Variants in ASB7 observed in about 807,000 individuals in gnomAD.
ASB7 encodes ankyrin repeat and SOCS box protein 7.
ASB7 carries 4 observed loss-of-function variants against 32.5 expected under a neutral mutation model. The ratio of observed to expected loss-of-function variants is 0.12; its 90% CI spans 0.06 to 0.28. ASB7 has a LOEUF of 0.28. Among genes scored for constraint, ASB7 ranks in the 10% least tolerant of loss-of-function variants. The pLI is 1.00. For synonymous variants in ASB7, 172 were observed against 155.6 expected (o/e 1.11, Z -0.78); for missense variants, 181 against 407.1 (o/e 0.44, Z 4.78).
At chr15:100,612,511 A>G in intron 4 of ASB7, 84 bp downstream of exon 4, 1 of 1,261,804 alleles carries the variant, frequency 7.9e-7, no homozygotes, top group Non-Finnish European at 1.2e-6. Flanking sequence ...TGTAATTTTT[A>G]ATGCTTCTCT....
At chr15:100,638,019 A>G (rs770223054) in intron 5 of ASB7, among the ~76,000 whole-genome samples, 2 of 151,396 alleles carry the variant, frequency 1.3e-5, no homozygotes, top group Non-Finnish European at 2.9e-5. Context: ...TTTTAAGTGA[A>G]TTGGATAGTT....
chr15:100,628,550 C>T (rs535778864), intron 4 of ASB7, among the ~76,000 whole-genome samples: 73 of 152,180 alleles, frequency 4.8e-4, no homozygotes, highest in Admixed American at 4.6e-3. Flanking sequence ...AGGAGGTGCC[C>T]GGCATAACCA....
chr15:100,648,532 A>G lies in ASB7; in HGVS notation c.*70A>G. On this transcript the variant is annotated 3_prime_UTR_variant, in exon 6 of 6. Transcript: ENST00000332783. ...TTAAAAGGCTTTTTGCCTTGCACAA[A>G]GTATATCCTATGCAATTTCTGATTT... is the stretch of plus-strand genomic sequence containing the variant. 7.8e-7 allele frequency: 1 copy of G among 1,290,174 alleles called. No homozygotes were observed. Among genetic ancestry groups the G allele is most frequent in the Non-Finnish European group, 1.1e-6 (1 of 943,842 alleles). 79.9% of individuals were successfully genotyped at this position (1,290,174 alleles called of 1,614,324 possible).
chr15:100,629,941 A>G lies in ASB7; in HGVS notation c.716A>G (p.Asp239Gly). The G allele has an allele frequency of 4.3e-6, 7 of 1,614,238 alleles. No individual in the cohort carries two copies. Among genetic ancestry groups the G allele is most frequent in the South Asian group, 3.3e-5 (3 of 91,086 alleles). Residue 239 changes from aspartate to glycine, a missense_variant, in exon 5 of 6, where the codon GAC becomes GGC. Coordinates refer to ENST00000332783, the MANE Select transcript of ASB7 (RefSeq NM_198243.3). This position sits in a 1 kb window ranked among gnomAD's most constrained non-coding sequence, Gnocchi z 6.8. Reference sequence around the variant, plus strand: ...CGGATGTTATATAATTACGGAGCAGACACGAACACACGGAACTATGAAGGA... The same window carrying G: ...CGGATGTTATATAATTACGGAGCAGGCACGAACACACGGAACTATGAAGGA... Reference protein sequence around the residue: ...CARMLYNYGADTNTRNYEGQT... With the variant: ...CARMLYNYGAGTNTRNYEGQT...
At chr15:100,624,895 T>C (rs1048480045) in intron 4 of ASB7, among the ~76,000 whole-genome samples, 5 of 110,984 alleles carry the variant, frequency 4.5e-5, no homozygotes, top group African/African-American at 1.2e-4. Flanking sequence ...ATCCAGTCTA[T>C]TGGTGTATAA....
chr15:100,648,491 G>A lies in ASB7; in HGVS notation c.*29G>A. On this transcript the variant is annotated 3_prime_UTR_variant, in exon 6 of 6. Coordinates refer to ENST00000332783, the MANE Select transcript of ASB7 (RefSeq NM_198243.3). The stretch of plus-strand genomic sequence containing the variant: ...GCCAGAACTGTGAGCAAGATTAGGA[G>A]TTCTATTCTAGATACTTAAAAGGCT... 6.4e-7 allele frequency: 1 copy of A among 1,566,036 alleles called. No homozygotes were observed. Among genetic ancestry groups the A allele is most frequent in the African/African-American group, 1.4e-5 (1 of 72,916 alleles).
intron 2 of ASB7, 102 bp downstream of exon 2, chr15:100,603,415 C>T (rs2039587724): frequency 6.3e-6 from 1 of 159,078 alleles, no homozygotes; most frequent in African/African-American, 2.4e-5. Flanking sequence ...GCAACCTTTC[C>T]TACCCCCCCC....
rs1027532866 is a variant in ASB7 at position 100,629,950 on chromosome 15, C to T, written c.725C>T (p.Thr242Ile). ...MLYNYGADTN[T>I]RNYEGQTPLA... Reference sequence around the variant, plus strand: ...TATAATTACGGAGCAGACACGAACACACGGAACTATGAAGGACAGACCCCA... The same window carrying T: ...TATAATTACGGAGCAGACACGAACATACGGAACTATGAAGGACAGACCCCA... The change falls in exon 5 of 6, where the codon ACA (threonine) becomes ATA (isoleucine). Residue 242 changes from threonine (T) to isoleucine (I), a missense_variant. Thr to Ile is a moderately conservative substitution (Grantham distance 89). Transcript: ENST00000332783. The surrounding 1 kb of genome is among the most constrained non-coding windows in gnomAD (Gnocchi z 6.8). 1 of 1,614,162 alleles carries T rather than the reference C, an allele frequency of 6.2e-7. No homozygotes were observed. The highest frequency in any genetic ancestry group is 2.2e-5 in the East Asian group (1 of 44,884).
chr15:100,638,230 A>G (rs2039937793), intron 5 of ASB7: 1 of 152,144 alleles, frequency 6.6e-6, no homozygotes, highest in Non-Finnish European at 1.5e-5. Context: ...TCTCTAATGT[A>G]TTTCTGTTTA....
Position 100,612,188 on chromosome 15 carries a change from A to T in ASB7, c.-29A>T. On this transcript the variant is annotated 5_prime_UTR_variant, in exon 4 of 6. Transcript: ENST00000332783. Reference sequence around the variant, plus strand: ...AAGGCTGATCCCCGTAACCTAATGAATCCTTTGTAAAAAGTGGACTCAGCT... The same window carrying T: ...AAGGCTGATCCCCGTAACCTAATGATTCCTTTGTAAAAAGTGGACTCAGCT... 6.4e-7 allele frequency: 1 copy of T among 1,571,326 alleles called. No individual in the cohort carries two copies. Among genetic ancestry groups the T allele is most frequent in the Non-Finnish European group, 8.8e-7 (1 of 1,142,198 alleles).
At chr15:100,619,814 G>A (rs1303434429) in intron 4 of ASB7, among the ~76,000 whole-genome samples, 1 of 152,200 alleles carries the variant, frequency 6.6e-6, no homozygotes, top group Non-Finnish European at 1.5e-5. Context: ...GAGCGGCCAC[G>A]TGAAGCCACA....
intron 4 of ASB7, among the ~76,000 whole-genome samples, chr15:100,617,989 G>C (rs1161539784): frequency 2.0e-5 from 3 of 152,116 alleles, no homozygotes; most frequent in African/African-American, 7.2e-5. Context: ...GGGTCTCCCT[G>C]TGTCACCCAG....
intron 5 of ASB7, among the ~76,000 whole-genome samples, chr15:100,632,349 C>G (rs917536719): frequency 4.6e-5 from 7 of 152,216 alleles, no homozygotes; most frequent in African/African-American, 7.2e-5. Flanking sequence ...CCTTTGTCTT[C>G]AGGTGCCTCA....
intron 4 of ASB7, among the ~76,000 whole-genome samples, chr15:100,615,534 C>T (rs1015307871): frequency 6.6e-6 from 1 of 152,154 alleles, no homozygotes; most frequent in African/African-American, 2.4e-5. Flanking sequence ...CTGGAATTTT[C>T]ACAGCAGGAG....
At chr15:100,619,358 C>T (rs532878695) in intron 4 of ASB7, among the ~76,000 whole-genome samples, 2 of 152,282 alleles carry the variant, frequency 1.3e-5, no homozygotes, top group South Asian at 4.1e-4. Context: ...AAACCTTTGA[C>T]AGAGGAATGG....
chr15:100,633,434 G>A (rs568430418), intron 5 of ASB7, among the ~76,000 whole-genome samples: 2 of 152,014 alleles, frequency 1.3e-5, no homozygotes, highest in Admixed American at 1.3e-4. Flanking sequence ...AAAATTAGCC[G>A]GGCATGGTGG....
intron 5 of ASB7, among the ~76,000 whole-genome samples, chr15:100,636,480 C>A (rs984737756): frequency 3.3e-5 from 5 of 152,162 alleles, no homozygotes; most frequent in African/African-American, 1.2e-4. Context: ...CAAAGATCCC[C>A]CAACTGTGCC....
Position 100,603,509 on chromosome 15 carries a change from A to G in ASB7, c.-174+196A>G, listed in dbSNP as rs1596992333. On this transcript the variant is annotated intron_variant, in intron 2 of 5. Coordinates refer to ENST00000332783, the MANE Select transcript of ASB7 (RefSeq NM_198243.3). ...ATTTTATAACTTCTCTACCCAGGAC[A>G]GTATTTTCCCACTTTCTTTCTGTAC... Among the ~76,000 whole-genome samples the G allele has an allele frequency of 2.0e-5, 3 of 148,216 alleles. No individual in the cohort carries two copies. In the East Asian group the frequency reaches 6.0e-4, roughly 30 times the overall value.
At chr15:100,622,212 A>AG (rs977215996) in intron 4 of ASB7, among the ~76,000 whole-genome samples, 14 of 152,100 alleles carry the variant, frequency 9.2e-5, no homozygotes, top group African/African-American at 3.1e-4. Context: ...AAAAGAAAAA[A>AG]GAAAAAAAAC....
Sources: allele counts gnomAD v4.1 joint callset (sites outside exome capture counted in the v4.1 genomes callset), GRCh38; gene constraint gnomAD v4.1.1; non-coding constraint Gnocchi (gnomAD v3.1); transcripts MANE v1.5; gene names NCBI Gene and HGNC (gene_info 2026-07-23, HGNC 2026-07-21).